Variants in FAF1 observed in about 807,000 individuals in gnomAD.
FAF1 encodes FAS-associated factor 1.
A neutral mutation model predicts 92.5 loss-of-function variants in FAF1; 25 were observed. That is an observed-to-expected ratio of 0.27 (90% CI 0.20 to 0.38). The LOEUF is 0.38. Ranked by LOEUF, FAF1 falls within the 10% of genes least tolerant of loss-of-function variation. FAF1 has a pLI of 1.00. For synonymous variants in FAF1, 234 were observed against 273.2 expected, an observed-to-expected ratio of 0.86 and a Z score of 1.42; for missense variants, 636 against 793.3, an observed-to-expected ratio of 0.80 and a Z score of 2.38.
chr1:50,937,595 G>T (rs2124750312), intron 1 of FAF1, among the ~76,000 whole-genome samples: 1 of 152,140 alleles, frequency 6.6e-6, no homozygotes, highest in South Asian at 2.1e-4. Flanking sequence ...TGATTCTCAT[G>T]GTTTTACCAA....
intron 7 of FAF1, among the ~76,000 whole-genome samples, chr1:50,684,066 A>ATTTGAGAT (rs2124374584): frequency 6.6e-6 from 1 of 152,322 alleles, no homozygotes; most frequent in African/African-American, 2.4e-5. Flanking sequence ...CTTTCAGCTA[A>ATTTGAGAT]TTTGAGATGG....
intron 15 of FAF1, among the ~76,000 whole-genome samples, chr1:50,535,020 C>A (rs1648397748): frequency 6.6e-6 from 1 of 152,102 alleles, no homozygotes; most frequent in South Asian, 2.1e-4. Context: ...AGTAAGAGGA[C>A]CATAAAACTG....
In FAF1 at chr1:50,960,045, C is replaced by A. The variant is rs1213563840; in HGVS notation, c.-234G>T. 1.3e-4 allele frequency: 51 copies of A among 395,828 alleles called. No homozygotes were observed. Among genetic ancestry groups the A allele is most frequent in the Non-Finnish European group, 2.1e-4 (47 of 224,314 alleles). 24.5% of individuals were successfully genotyped at this position (395,828 alleles called of 1,614,324 possible). Reference sequence around the variant, plus strand: ...GCCGCCCGCCTGCAACCTGCGGAGCCCGCGTCGCAGCAGCCCGGACAGGAA... The same window carrying A: ...GCCGCCCGCCTGCAACCTGCGGAGCACGCGTCGCAGCAGCCCGGACAGGAA... On this transcript the variant is annotated 5_prime_UTR_variant, in exon 1 of 19. Transcript: ENST00000396153.
At chr1:50,755,303 C>T (rs1477127398) in intron 4 of FAF1, among the ~76,000 whole-genome samples, 2 of 152,182 alleles carry the variant, frequency 1.3e-5, no homozygotes, top group East Asian at 3.9e-4. Context: ...GCTAAAGGCT[C>T]CATGAAAGTC....
intron 13 of FAF1, among the ~76,000 whole-genome samples, chr1:50,550,502 C>G (rs555552255): frequency 1.1e-4 from 17 of 152,098 alleles, no homozygotes; most frequent in African/African-American, 3.9e-4. Context: ...TGATTGTAAC[C>G]CAGCACTTAT....
chr1:50,706,292 A>G (rs1657672157), intron 6 of FAF1, among the ~76,000 whole-genome samples: 1 of 152,202 alleles, frequency 6.6e-6, no homozygotes, highest in South Asian at 2.1e-4. Context: ...AGAATAACAG[A>G]AGTATGAAAC....
intron 8 of FAF1, among the ~76,000 whole-genome samples, chr1:50,599,934 C>G (rs1183941752): frequency 6.6e-6 from 1 of 152,120 alleles, no homozygotes; most frequent in African/African-American, 2.4e-5. Flanking sequence ...TTGAGCATCT[C>G]AAATCTAAAA....
chr1:50,921,966 A>G (rs1277885900), intron 1 of FAF1, among the ~76,000 whole-genome samples: 1 of 150,306 alleles, frequency 6.7e-6, no homozygotes, highest in Non-Finnish European at 1.5e-5. Flanking sequence ...CAGGAGTTCA[A>G]GACCAGCCCG....
intron 7 of FAF1, among the ~76,000 whole-genome samples, chr1:50,696,839 T>C (rs1657255694): frequency 6.6e-6 from 1 of 152,156 alleles, no homozygotes; most frequent in African/African-American, 2.4e-5. Flanking sequence ...TCCACCCCCA[T>C]GCATTAGCTG....
intron 8 of FAF1, among the ~76,000 whole-genome samples, chr1:50,647,060 GCTGGTCTCAAACTC>G (rs1158813329): frequency 6.6e-6 from 1 of 152,004 alleles, no homozygotes; most frequent in African/African-American, 2.4e-5. Context: ...TGTTGGCCAG[GCTGGTCTCAAACTC>G]CTGGTCTCAA....
chr1:50,890,617 A>G (rs1413790880), intron 1 of FAF1, among the ~76,000 whole-genome samples: 1 of 152,176 alleles, frequency 6.6e-6, no homozygotes, highest in Non-Finnish European at 1.5e-5. Context: ...CCCTTCACTT[A>G]TGAAGCTTAG....
chr1:50,785,720 G>A (rs1024975592), intron 4 of FAF1, among the ~76,000 whole-genome samples: 4 of 152,072 alleles, frequency 2.6e-5, no homozygotes, highest in Non-Finnish European at 5.9e-5. Context: ...AGCTGCTATA[G>A]GAAACAGTAT....
chr1:50,491,625 C>T, intron 16 of FAF1, 96 bp downstream of exon 16: 2 of 813,468 alleles, frequency 2.5e-6, no homozygotes, highest in Non-Finnish European at 4.0e-6. Flanking sequence ...TTCTCTATTG[C>T]AAACCCAGTA....
At chr1:50,559,250 C>CAA (rs545233560) in intron 13 of FAF1, among the ~76,000 whole-genome samples, 72 of 102,484 alleles carry the variant, frequency 7.0e-4, no homozygotes, top group African/African-American at 2.3e-3. Context: ...GACTCCGTCT[C>CAA]AAAAAAAAAA....
At chr1:50,733,126 A>G (rs952014460) in intron 6 of FAF1, among the ~76,000 whole-genome samples, 21 of 152,218 alleles carry the variant, frequency 1.4e-4, no homozygotes, top group Non-Finnish European at 2.5e-4. Flanking sequence ...GATAACATAT[A>G]TAACAGGCTT....
intron 3 of FAF1, among the ~76,000 whole-genome samples, chr1:50,793,843 C>T (rs563923598): frequency 5.3e-5 from 8 of 152,254 alleles, no homozygotes; most frequent in African/African-American, 1.9e-4. Flanking sequence ...GCATAAGCAG[C>T]AAGTATAGGT....
chr1:50,528,209 C>G (rs1330376156), intron 15 of FAF1, among the ~76,000 whole-genome samples: 1 of 152,084 alleles, frequency 6.6e-6, no homozygotes. Context: ...GCCAATTTTG[C>G]AGGGGCTTTA....
intron 1 of FAF1, among the ~76,000 whole-genome samples, chr1:50,892,459 G>A (rs1185467775): frequency 1.3e-5 from 2 of 152,184 alleles, no homozygotes; most frequent in Non-Finnish European, 2.9e-5. Context: ...ACAGACTAGA[G>A]CTGTTCCTAT....
intron 1 of FAF1, among the ~76,000 whole-genome samples, chr1:50,867,489 A>G (rs1378128184): frequency 6.6e-6 from 1 of 152,162 alleles, no homozygotes; most frequent in Non-Finnish European, 1.5e-5. Context: ...CAGCAAGAAA[A>G]AAACAAACAA....
Sources: allele counts gnomAD v4.1 joint callset (sites outside exome capture counted in the v4.1 genomes callset), GRCh38; gene constraint gnomAD v4.1.1; transcripts MANE v1.5; gene names NCBI Gene and HGNC (gene_info 2026-07-23, HGNC 2026-07-21).